OTUD7A: variants seen among roughly 807,000 people sequenced by gnomAD.
OTUD7A encodes the protein OTU deubiquitinase 7A.
In OTUD7A, 12 loss-of-function variants were observed where a neutral mutation model predicts 65.7. The ratio of observed to expected loss-of-function variants is 0.18; its 90% CI spans 0.12 to 0.30. OTUD7A has a LOEUF of 0.30. OTUD7A is among the 10% of genes least tolerant of loss of function. The pLI, the probability that OTUD7A is intolerant of heterozygous loss-of-function variation, is 1.00. For missense variants in OTUD7A, 1,148 were observed against 1,304.8 expected (o/e 0.88, Z 1.85); for synonymous variants, 641 against 586.3 (o/e 1.09, Z -1.35).
intron 8 of OTUD7A, among the ~76,000 whole-genome samples, chr15:31,522,414 A>T (rs2041949903): frequency 6.6e-6 from 1 of 152,202 alleles, no homozygotes; most frequent in South Asian, 2.1e-4. Flanking sequence ...CCTTCGTGTT[A>T]CACCACTGGC....
chr15:31,629,522 A>C (rs1321120776), intron 3 of OTUD7A, among the ~76,000 whole-genome samples: 1 of 152,156 alleles, frequency 6.6e-6, no homozygotes, highest in Non-Finnish European at 1.5e-5. Context: ...TTTTTGCATC[A>C]ATGTTCATCA....
chr15:31,488,823 CTCT>C (rs1307958412), intron 10 of OTUD7A, among the ~76,000 whole-genome samples: 4 of 152,256 alleles, frequency 2.6e-5, no homozygotes, highest in Admixed American at 1.3e-4. Context: ...ACCCCCGCAC[CTCT>C]TCTTCTCCAG....
intron 1 of OTUD7A, among the ~76,000 whole-genome samples, chr15:31,792,467 T>A (rs1895843145): frequency 6.6e-6 from 1 of 152,084 alleles, no homozygotes; most frequent in South Asian, 2.1e-4. Context: ...TCTCCCCATA[T>A]TCCCTGACTT....
intron 1 of OTUD7A, among the ~76,000 whole-genome samples, chr15:31,777,315 G>A (rs1384485344): frequency 1.3e-5 from 2 of 152,152 alleles, no homozygotes; most frequent in Admixed American, 6.5e-5. Flanking sequence ...CCATCACCTT[G>A]GGGGTTAGGT....
intron 3 of OTUD7A, among the ~76,000 whole-genome samples, chr15:31,612,068 G>T (rs1317952501): frequency 6.6e-6 from 1 of 152,166 alleles, no homozygotes; most frequent in African/African-American, 2.4e-5. Flanking sequence ...CATTTCAATA[G>T]ATGCAGAAAA....
chr15:31,749,133 T>C (rs1894558675), intron 1 of OTUD7A, among the ~76,000 whole-genome samples: 1 of 97,948 alleles, frequency 1.0e-5, no homozygotes, highest in Non-Finnish European at 2.0e-5. Flanking sequence ...CCGGGGCCTG[T>C]TGTGGGGTGG....
intron 1 of OTUD7A, among the ~76,000 whole-genome samples, chr15:31,728,733 T>G (rs571913519): frequency 6.6e-6 from 1 of 152,358 alleles, no homozygotes; most frequent in Admixed American, 6.5e-5. Flanking sequence ...CCACCTTTAT[T>G]TTCTCACGAA....
intron 5 of OTUD7A, among the ~76,000 whole-genome samples, chr15:31,532,888 C>T (rs1004611987): frequency 1.4e-5 from 2 of 147,290 alleles, no homozygotes; most frequent in Admixed American, 6.8e-5. Context: ...GAGCCGAAAT[C>T]GCGCCACTGC....
Position 31,725,415 on chromosome 15 carries a change from G to C in OTUD7A, c.-99-68338C>G, listed in dbSNP as rs548540517. On this transcript the variant is annotated intron_variant, in intron 1 of 12. Coordinates refer to ENST00000307050, the MANE Select transcript of OTUD7A (RefSeq NM_001382637.1). ...TAACTTGTTCTTTTATTTAGCCCAT[G>C]GGTCTCCAGACTCAAAGAAGCTATA... Among the ~76,000 whole-genome samples the C allele has an allele frequency of 2.0e-5, 3 of 152,262 alleles. No homozygotes were observed. In the East Asian group the frequency reaches 5.8e-4, roughly 29 times the overall value.
chr15:31,604,809 T>C (rs12907720), intron 3 of OTUD7A, among the ~76,000 whole-genome samples: 32,430 of 152,020 alleles, frequency 0.21, 3,668 homozygotes, highest in African/African-American at 0.25. Flanking sequence ...CTCAACAAGA[T>C]GGGCAAGTGT....
intron 5 of OTUD7A, among the ~76,000 whole-genome samples, chr15:31,540,666 C>T (rs962252757): frequency 1.3e-5 from 2 of 151,972 alleles, no homozygotes; most frequent in Non-Finnish European, 2.9e-5. Context: ...TATAGAAAGC[C>T]CCATATATGT....
chr15:31,500,127 G>A (rs558260419), intron 10 of OTUD7A, among the ~76,000 whole-genome samples: 11 of 152,262 alleles, frequency 7.2e-5, no homozygotes, highest in East Asian at 3.9e-4. Flanking sequence ...AGAGGGCCCC[G>A]CCCCTGGCCG....
intron 1 of OTUD7A, among the ~76,000 whole-genome samples, chr15:31,824,357 G>A (rs1157255175): frequency 6.6e-6 from 1 of 152,164 alleles, no homozygotes; most frequent in African/African-American, 2.4e-5. Flanking sequence ...CTCCATGCAT[G>A]AATGCCAGCT....
intron 1 of OTUD7A, among the ~76,000 whole-genome samples, chr15:31,812,941 A>G (rs536048599): frequency 6.6e-6 from 1 of 152,270 alleles, no homozygotes; most frequent in African/African-American, 2.4e-5. Context: ...TAAGCTCCGC[A>G]CACACACACA....
At chr15:31,658,095 T>C (rs1892045607) in intron 1 of OTUD7A, among the ~76,000 whole-genome samples, 1 of 152,198 alleles carries the variant, frequency 6.6e-6, no homozygotes. Flanking sequence ...GTTCCACCAC[T>C]TTGTGTGACC....
intron 3 of OTUD7A, among the ~76,000 whole-genome samples, chr15:31,595,304 T>A (rs1201248794): frequency 6.6e-6 from 1 of 152,248 alleles, no homozygotes; most frequent in Non-Finnish European, 1.5e-5. Flanking sequence ...GTCTTTCATT[T>A]AATTAAAAGT....
At chr15:31,753,685 AGATATATATATATATAT>A (rs56317239) in intron 1 of OTUD7A, among the ~76,000 whole-genome samples, 50,447 of 83,458 alleles carry the variant, frequency 0.6, 11,936 homozygotes, top group South Asian at 0.67. Flanking sequence ...ATAACCTGTG[AGATATATATATATATAT>A]TATATATATA....
intron 8 of OTUD7A, among the ~76,000 whole-genome samples, chr15:31,504,693 A>AGGGAGT (rs6145514): frequency 2.6e-5 from 4 of 151,786 alleles, no homozygotes; most frequent in African/African-American, 7.3e-5. Flanking sequence ...GAATTAGCTG[A>AGGGAGT]CGGCAGCAGG....
intron 8 of OTUD7A, among the ~76,000 whole-genome samples, chr15:31,515,414 A>T (rs1479367064): frequency 6.6e-6 from 1 of 152,132 alleles, no homozygotes; most frequent in Non-Finnish European, 1.5e-5. Context: ...CATTCTCCTC[A>T]TGCAAAACTT....
Sources: gnomAD v4.1 joint callset for allele counts (sites outside exome capture counted in the v4.1 genomes callset) on GRCh38, gnomAD v4.1.1 for gene constraint, MANE v1.5 for transcripts, NCBI Gene and HGNC (gene_info 2026-07-23, HGNC 2026-07-21) for gene names.